The following GPR179 variants were observed in gnomAD, a reference collection of about 807,000 sequenced individuals.
The protein encoded by GPR179 is probable G protein-coupled receptor 179.
In GPR179, 52 loss-of-function variants were observed where a neutral mutation model predicts 70.8. That is an observed-to-expected ratio of 0.73 (90% CI 0.59 to 0.93). GPR179 has a LOEUF of 0.93. Ranked by LOEUF, GPR179 falls within the 40% of genes least tolerant of loss-of-function variation. GPR179 has a pLI of 0.00. For missense variants in GPR179, 2,734 were observed against 2,966.8 expected (o/e 0.92, Z 1.82); for synonymous variants, 1,123 against 1,169.0 (o/e 0.96, Z 0.80).
chr17:38,337,602 C>T (rs1403533997), intron 3 of GPR179, 31 bp downstream of exon 3: 1 of 1,577,312 alleles, frequency 6.3e-7, no homozygotes, highest in Non-Finnish European at 8.7e-7. Flanking sequence ...TCATGTAAAA[C>T]ACATGCCTGG....
At position 38,330,159 on chromosome 17, in the gene GPR179, G is replaced by A. The variant is rs754029451; in HGVS notation, c.3410C>T (p.Ala1137Val). ...GATAAGAGCGGCCTGCTTACTCACC[G>A]CCTTGGGCCGGCCTAGCCTGGGCGA... ...SRSPRLGRPK[A>V]VSKQAALIPS... is the part of the protein sequence containing the mutation. Residue 1137 changes from alanine (A) to valine (V), a missense_variant, in exon 11 of 11, where the codon GCG becomes GTG. Physicochemically the swap from Ala to Val is moderately conservative, Grantham distance 64. Coordinates refer to ENST00000616987, the MANE Select transcript of GPR179 (RefSeq NM_001004334.4). 9 of 1,583,736 alleles carry A rather than the reference G, an allele frequency of 5.7e-6. No individual in the cohort carries two copies. The highest frequency in any genetic ancestry group is 2.3e-5 in the South Asian group (2 of 85,822).
chr17:38,340,464 T>C (rs944960733), intron 1 of GPR179, among the ~76,000 whole-genome samples: 1 of 152,222 alleles, frequency 6.6e-6, no homozygotes, highest in African/African-American at 2.4e-5. Context: ...TTATTTTTAG[T>C]GGAGACGAGC....
Position 38,343,819 on chromosome 17 carries a change from C to A in GPR179, c.-30G>T, listed in dbSNP as rs2037474477. On this transcript the variant is annotated 5_prime_UTR_variant, in exon 1 of 11. Coordinates refer to ENST00000616987, the MANE Select transcript of GPR179 (RefSeq NM_001004334.4). The surrounding 1 kb of genome is among the most constrained non-coding windows in gnomAD (Gnocchi z 4.2). ...GGGGCAGCTCTCAGGACCCTGGGGT[C>A]CAGGCTCAGGAGAGCCCAGGCAGAG... 1 of 1,465,408 alleles carries A rather than the reference C, an allele frequency of 6.8e-7. No homozygotes were observed. The highest frequency in any genetic ancestry group is 9.0e-7 in the Non-Finnish European group (1 of 1,111,876). 90.8% of individuals were successfully genotyped at this position (1,465,408 alleles called of 1,614,324 possible).
chr17:38,338,610 C>T (rs1465239677), intron 2 of GPR179, among the ~76,000 whole-genome samples: 1 of 152,172 alleles, frequency 6.6e-6, no homozygotes, highest in Non-Finnish European at 1.5e-5. Flanking sequence ...GAGCCCTTTT[C>T]CATCCCTCCA....
intron 1 of GPR179, among the ~76,000 whole-genome samples, chr17:38,342,662 T>G (rs1300042392): frequency 6.6e-6 from 1 of 152,218 alleles, no homozygotes; most frequent in Non-Finnish European, 1.5e-5. Context: ...TCTACACACA[T>G]GTGTATACCT....
chr17:38,335,152 G>A lies in GPR179; in HGVS notation c.1526C>T (p.Thr509Ile), dbSNP rs1043449927. The part of the protein sequence containing the change: ...LPVLGFLAVW[T>I]VGALERGIQH... ...GATGCCTCGCTCCAGGGCGCCCACG[G>A]TCCACACAGCCAGGAAGCCCAGCAC... The change falls in exon 7 of 11, where the codon ACC becomes ATC. Residue 509 changes from threonine (T) to isoleucine (I), a missense_variant. Thr to Ile is a moderately conservative substitution (Grantham distance 89, BLOSUM62 -1). Transcript: ENST00000616987. 7 of 1,588,800 alleles carry A rather than the reference G, an allele frequency of 4.4e-6. No homozygotes were observed. The highest frequency in any genetic ancestry group is 1.3e-5 in the African/African-American group (1 of 74,466).
In GPR179 at chr17:38,325,333, T is replaced by C. The variant is rs2037276013; in HGVS notation, c.*1132A>G. ...CAGCTCTCAGGCTTCTAACTTGCCC[T>C]GTAGCACTCCTCTTTTAGAGGGCAG... On this transcript the variant is annotated 3_prime_UTR_variant, in exon 11 of 11. Coordinates refer to ENST00000616987, the MANE Select transcript of GPR179 (RefSeq NM_001004334.4). 6.6e-6 allele frequency among the ~76,000 whole-genome samples: 1 copy of C among 152,150 alleles called. No individual in the cohort carries two copies. Among genetic ancestry groups the C allele is most frequent in the African/African-American group, 2.4e-5 (1 of 41,434 alleles).
At position 38,327,238 on chromosome 17, in the gene GPR179, C is replaced by T. The variant is rs1471234112; in HGVS notation, c.6331G>A (p.Val2111Ile). ...ACTTCCCACAGACACACTTCCGCTA[C>T]CCTGGTCTCCACACTGCCTGCTGCC... ...SEAAGSVETR[V>I]AEVCLWEVVE... The change falls in exon 11 of 11, where the codon GTA becomes ATA. Residue 2111 changes from valine to isoleucine, a missense_variant. Physicochemically the swap from Val to Ile is conservative, Grantham distance 29. Transcript: ENST00000616987. The T allele has an allele frequency of 5.0e-6, 8 of 1,614,148 alleles. No individual in the cohort carries two copies. In the Admixed American group the frequency reaches 1.0e-4, roughly 20 times the overall value.
intron 6 of GPR179, among the ~76,000 whole-genome samples, 159 bp from the exon 7 acceptor site, chr17:38,335,430 C>T (rs1163627659): frequency 6.6e-6 from 1 of 152,200 alleles, no homozygotes; most frequent in African/African-American, 2.4e-5. Flanking sequence ...TACCCCCCCA[C>T]AAAGTAACAT....
Position 38,334,679 on chromosome 17 carries a change from T to G in GPR179, c.1784+25A>C. The stretch of plus-strand genomic sequence containing the variant: ...GGAGTACTGTTAGAGTGGAAGGGGG[T>G]GTGGGGAGGTGAGTCCGTCCTCACC... On this transcript the variant is annotated intron_variant, in intron 8 of 10. Transcript: ENST00000616987. The surrounding 1 kb of genome is among the most constrained non-coding windows in gnomAD (Gnocchi z 4.7). The G allele has an allele frequency of 6.2e-7, 1 of 1,600,756 alleles. No homozygotes were observed. Among genetic ancestry groups the G allele is most frequent in the African/African-American group, 1.4e-5 (1 of 71,836 alleles).
chr17:38,328,191 T>C lies in GPR179; in HGVS notation c.5378A>G (p.His1793Arg). 2 of 1,612,942 alleles carry C rather than the reference T, an allele frequency of 1.2e-6. No individual in the cohort carries two copies. Among genetic ancestry groups the C allele is most frequent in the Non-Finnish European group, 1.7e-6 (2 of 1,179,844 alleles). Reference sequence around the variant, plus strand: ...CACTTCACCTGGCCTGCAGCCCATATGATCCAGTTCCTGGAACCCAGCTTT... The same window carrying C: ...CACTTCACCTGGCCTGCAGCCCATACGATCCAGTTCCTGGAACCCAGCTTT... ...GPKAGFQELD[H>R]MGCRPGEVCP... The change falls in exon 11 of 11, where the codon CAT (histidine) becomes CGT (arginine). Residue 1793 changes from histidine (H) to arginine (R), a missense_variant. His to Arg is a conservative substitution (Grantham distance 29). Transcript: ENST00000616987.
rs531637404 is a variant in GPR179, at chr17:38,331,299, G to A, written c.2270C>T (p.Ser757Phe). The change falls in exon 11 of 11, where the codon TCC (serine) becomes TTC (phenylalanine). Residue 757 changes from serine (S) to phenylalanine (F), a missense_variant. Coordinates refer to ENST00000616987, the MANE Select transcript of GPR179 (RefSeq NM_001004334.4). ...PGSSRRRLLS[S>F]SLQEPEGTPA... is the part of the protein sequence containing the mutation. Reference sequence around the variant, plus strand: ...TGTCCCCTCGGGTTCCTGGAGGCTGGAGCTGAGGAGCCGGCGGCGGGAGGA... The same window carrying A: ...TGTCCCCTCGGGTTCCTGGAGGCTGAAGCTGAGGAGCCGGCGGCGGGAGGA... The A allele has an allele frequency of 5.0e-6, 8 of 1,601,992 alleles. No individual in the cohort carries two copies. In the East Asian group the frequency reaches 1.8e-4, roughly 36 times the overall value.
At position 38,329,607 on chromosome 17, in the gene GPR179, C is replaced by A. The variant is rs1316479141; in HGVS notation, c.3962G>T (p.Cys1321Phe). ...TCCTCGATCGGCACTCTCCCAGGGA[C>A]ACACTGCTTCCTGCTCCCTCACCAG... ...ERLVREQEAV[C>F]PWESADRGGL... Residue 1321 changes from cysteine (C) to phenylalanine (F), a missense_variant, in exon 11 of 11, where the codon TGT becomes TTT. Cys to Phe is a radical substitution (Grantham distance 205, BLOSUM62 -2). Coordinates refer to ENST00000616987, the MANE Select transcript of GPR179 (RefSeq NM_001004334.4). The A allele has an allele frequency of 6.2e-7, 1 of 1,614,114 alleles. No individual in the cohort carries two copies. Among genetic ancestry groups the A allele is most frequent in the Non-Finnish European group, 8.5e-7 (1 of 1,180,046 alleles).
At position 38,326,591 on chromosome 17, in the gene GPR179, TG is replaced by T. The variant is rs2037287761; in HGVS notation, c.6977del (p.Pro2326GlnfsTer15). 6.2e-7 allele frequency: 1 copy of T among 1,614,136 alleles called. No homozygotes were observed. Among genetic ancestry groups the T allele is most frequent in the South Asian group, 1.1e-5 (1 of 91,094 alleles). On this transcript the variant is annotated frameshift_variant, in exon 11 of 11. Transcript: ENST00000616987. LOFTEE classifies it low-confidence loss of function (END_TRUNC). Reference sequence around the variant, plus strand: ...ACTCAGCTTCCTGGAGACTTGGCTCTGGGGCTAAGCTGGTCCTTGGCTCAAG... The same window carrying T: ...ACTCAGCTTCCTGGAGACTTGGCTCTGGGCTAAGCTGGTCCTTGGCTCAAG... ...SGLEPRTSLA[P>X]EPSLQEAESQ... is the part of the protein sequence containing the mutation.
rs72832278 is a variant in GPR179, at chr17:38,334,544, A to C, written c.1784+160T>G. 6.6e-6 allele frequency among the ~76,000 whole-genome samples: 1 copy of C among 150,468 alleles called. No individual in the cohort carries two copies. Among genetic ancestry groups the C allele is most frequent in the South Asian group, 2.1e-4 (1 of 4,784 alleles). ...GCCAGGCATGGAGTACAGAAGGGGC[A>C]TCTGGGGGGTAGGGAGAGAGCCAGA... On this transcript the variant is annotated intron_variant, in intron 8 of 10. Transcript: ENST00000616987. The surrounding 1 kb of genome is among the most constrained non-coding windows in gnomAD (Gnocchi z 4.7).
chr17:38,329,621 C>T lies in GPR179; in HGVS notation c.3948G>A (p.Glu1316=), dbSNP rs780638075. The T allele has an allele frequency of 6.2e-7, 1 of 1,614,020 alleles. No individual in the cohort carries two copies. Among genetic ancestry groups the T allele is most frequent in the African/African-American group, 1.3e-5 (1 of 74,952 alleles). ...TCTCCCAGGGACACACTGCTTCCTGCTCCCTCACCAGCCTCTCTGGCTTTT... is the reference window on the plus strand; with the variant it reads ...TCTCCCAGGGACACACTGCTTCCTGTTCCCTCACCAGCCTCTCTGGCTTTT... ...MRKKPERLVR[E]QEAVCPWESA... is the part of the protein sequence containing the mutation. The change falls in exon 11 of 11, where the codon GAG becomes GAA. Residue 1316 remains glutamate, a synonymous_variant. Coordinates refer to ENST00000616987, the MANE Select transcript of GPR179 (RefSeq NM_001004334.4).
chr17:38,337,321 C>T, intron 3 of GPR179, 108 bp from the exon 4 acceptor site: 1 of 1,401,220 alleles, frequency 7.1e-7, no homozygotes, highest in Non-Finnish European at 9.5e-7. Flanking sequence ...CTCCTGTGAT[C>T]TGGGGCTCCA....
chr17:38,333,461 A>C, intron 9 of GPR179, 64 bp from the exon 10 acceptor site: 6 of 1,511,668 alleles, frequency 4.0e-6, no homozygotes, highest in Non-Finnish European at 5.4e-6. Context: ...TCCTGCACTC[A>C]CCTGCCCTGT....
At chr17:38,342,721 C>T (rs2037459489) in intron 1 of GPR179, among the ~76,000 whole-genome samples, 8 of 152,234 alleles carry the variant, frequency 5.3e-5, no homozygotes, top group Admixed American at 5.2e-4. Context: ...TATGCACAGG[C>T]TCACAGACAT....
Sources: allele counts gnomAD v4.1 joint callset (sites outside exome capture counted in the v4.1 genomes callset), GRCh38; gene constraint gnomAD v4.1.1; non-coding constraint Gnocchi (gnomAD v3.1); transcripts MANE v1.5; gene names NCBI Gene and HGNC (gene_info 2026-07-23, HGNC 2026-07-21).